Variants in RBMXL1 observed in about 807,000 individuals in gnomAD.
RBMXL1 encodes the protein RNA binding motif protein, X-linked-like-1.
RBMXL1 carries 18 observed loss-of-function variants against 29.0 expected under a neutral mutation model. That is an observed-to-expected ratio of 0.62 (90% CI 0.43 to 0.92). The LOEUF (loss-of-function observed/expected upper bound fraction) is 0.92. RBMXL1 is among the 40% of genes least tolerant of loss of function. The pLI, the probability that RBMXL1 is intolerant of heterozygous loss-of-function variation, is 0.00. For synonymous variants in RBMXL1, 141 were observed against 170.4 expected (o/e 0.83, Z 1.34); for missense variants, 403 against 495.8 (o/e 0.81, Z 1.78).
Position 88,982,915 on chromosome 1 carries a change from A to T in RBMXL1, c.912T>A (p.Tyr304Ter), listed in dbSNP as rs750973601. The T allele has an allele frequency of 1.9e-6, 3 of 1,614,002 alleles. No homozygotes were observed. The highest frequency in any genetic ancestry group is 2.5e-6 in the Non-Finnish European group (3 of 1,179,878). The change falls in exon 3 of 3, where the codon TAT (tyrosine) becomes TAA (stop). Residue 304 changes from tyrosine (Y) to a stop codon, truncating the protein, a stop_gained. Transcript: ENST00000652648. LOFTEE classifies it high-confidence loss of function. ...AATCATCATAGCGACTGCTTCCACC[A>T]TAAGATGGCGGGGGCCCTCGTGTAA... Reference protein sequence around the residue: ...APLTRGPPPSYGGSSRYDDYS... With the variant: ...APLTRGPPPS
intron 1 of RBMXL1, among the ~76,000 whole-genome samples, chr1:88,989,627 A>G (rs1265707593): frequency 6.6e-6 from 1 of 152,112 alleles, no homozygotes; most frequent in Non-Finnish European, 1.5e-5. Context: ...TGCATGATGG[A>G]GGTAATGTGC....
rs1016947391 is a variant in RBMXL1 at position 88,982,848 on chromosome 1, A to C, written c.979T>G (p.Tyr327Asp). 2.5e-6 allele frequency: 4 copies of C among 1,613,866 alleles called. No individual in the cohort carries two copies. The African/African-American group carries it at 5.3e-5, about 22-fold the overall frequency. The change falls in exon 3 of 3, where the codon TAC becomes GAC. Residue 327 changes from tyrosine to aspartate, a missense_variant. By Grantham distance (160) the Tyr-to-Asp change is radical. Coordinates refer to ENST00000652648, the MANE Select transcript of RBMXL1 (RefSeq NM_001162536.3). ...RDGYGGSRDS[Y>D]SSSRSDLYSS... is the part of the protein sequence containing the mutation. ...TAGAGATCACTTCGGCTGCTTGAGT[A>C]ACTGTCTCGACTTCCACCATATCCA...
chr1:88,981,820 G>C lies in RBMXL1; in HGVS notation c.*834C>G. Reference sequence around the variant, plus strand: ...GGAATGCTGATAGATTCACTTTTTAGAAGTCATAAGCCTTTAGGAAGTTGG... The same window carrying C: ...GGAATGCTGATAGATTCACTTTTTACAAGTCATAAGCCTTTAGGAAGTTGG... On this transcript the variant is annotated 3_prime_UTR_variant, in exon 3 of 3. Coordinates refer to ENST00000652648, the MANE Select transcript of RBMXL1 (RefSeq NM_001162536.3). 1 of 328,396 alleles carries C rather than the reference G, an allele frequency of 3.0e-6. No individual in the cohort carries two copies. The highest frequency in any genetic ancestry group is 4.4e-6 in the Non-Finnish European group (1 of 226,206). 20.3% of individuals were successfully genotyped at this position (328,396 alleles called of 1,614,324 possible). A position where few individuals can be genotyped will look rare whatever the true frequency, so the allele number is the denominator to read the frequency against.
At chr1:88,988,156 A>G in intron 2 of RBMXL1, 96 bp downstream of exon 2, 1 of 751,176 alleles carries the variant, frequency 1.3e-6, no homozygotes, top group Non-Finnish European at 2.2e-6. Context: ...TGTTCATTTC[A>G]ATAAAGTATT....
At chr1:88,989,497 T>TA (rs1210960133) in intron 1 of RBMXL1, among the ~76,000 whole-genome samples, 2 of 152,284 alleles carry the variant, frequency 1.3e-5, no homozygotes, top group African/African-American at 4.8e-5. Context: ...GGGAACCCTC[T>TA]AACGACATAA....
At chr1:88,984,609 C>CAGAT (rs1400379938) in intron 2 of RBMXL1, among the ~76,000 whole-genome samples, 1 of 152,140 alleles carries the variant, frequency 6.6e-6, no homozygotes, top group Non-Finnish European at 1.5e-5. Flanking sequence ...GTTGACTGAA[C>CAGAT]AGATCTGCTG....
rs1234408962 is a variant in RBMXL1 at position 88,982,162 on chromosome 1, T to C, written c.*492A>G. 1.1e-6 allele frequency: 1 copy of C among 925,304 alleles called. No homozygotes were observed. Among genetic ancestry groups the C allele is most frequent in the Non-Finnish European group, 1.3e-6 (1 of 774,072 alleles). The allele number at this position is 925,304 out of a possible 1,614,324, so 57.3% of individuals were successfully genotyped here. On this transcript the variant is annotated 3_prime_UTR_variant, in exon 3 of 3. Coordinates refer to ENST00000652648, the MANE Select transcript of RBMXL1 (RefSeq NM_001162536.3). Reference sequence around the variant, plus strand: ...ACTTTCCTTACATAGGCATCTGATTTCAGGTTTTGCATACTGAGAACAGTG... The same window carrying C: ...ACTTTCCTTACATAGGCATCTGATTCCAGGTTTTGCATACTGAGAACAGTG...
chr1:88,989,175 G>A (rs573483762), intron 1 of RBMXL1, among the ~76,000 whole-genome samples: 1 of 152,228 alleles, frequency 6.6e-6, no homozygotes, highest in African/African-American at 2.4e-5. Flanking sequence ...ATGGCATGTC[G>A]TCTAACAGTT....
intron 1 of RBMXL1, among the ~76,000 whole-genome samples, chr1:88,988,612 TA>T (rs958097604): frequency 2.6e-5 from 4 of 152,258 alleles, no homozygotes; most frequent in South Asian, 2.1e-4. Flanking sequence ...TATTCTTAAT[TA>T]AAAAAATAAG....
At position 88,983,877 on chromosome 1, in the gene RBMXL1, C is replaced by G; in HGVS notation, c.-51G>C. 1.9e-6 allele frequency: 3 copies of G among 1,610,624 alleles called. No individual in the cohort carries two copies. The highest frequency in any genetic ancestry group is 2.5e-6 in the Non-Finnish European group (3 of 1,177,500). ...GGGTGACAGTGGGTTCAAGCTCCAA[C>G]AAGCTCGCCGACAGGGGCTTCCTAG... On this transcript the variant is annotated 5_prime_UTR_variant, in exon 3 of 3. Transcript: ENST00000652648.
At chr1:88,984,477 T>C (rs1387467269) in intron 2 of RBMXL1, among the ~76,000 whole-genome samples, 2 of 152,166 alleles carry the variant, frequency 1.3e-5, no homozygotes, top group African/African-American at 2.4e-5. Flanking sequence ...CTCCCAGTGT[T>C]GGGATTATAA....
rs1677134130 is a variant in RBMXL1 at position 88,982,351 on chromosome 1, A to C, written c.*303T>G. 4.1e-6 allele frequency: 3 copies of C among 733,990 alleles called. No individual in the cohort carries two copies. The Admixed American group carries it at 1.3e-4, about 33-fold the overall frequency. The allele number at this position is 733,990 out of a possible 1,614,324, so 45.5% of individuals were successfully genotyped here. A position where few individuals can be genotyped will look rare whatever the true frequency, so the allele number is the denominator to read the frequency against. ...TTGCTTGCCTCATTTACTGGGAAAAACCAGATAGGAAGTGGTCTTTAGGGA... is the reference window on the plus strand; with the variant it reads ...TTGCTTGCCTCATTTACTGGGAAAACCCAGATAGGAAGTGGTCTTTAGGGA... On this transcript the variant is annotated 3_prime_UTR_variant, in exon 3 of 3. Transcript: ENST00000652648.
intron 1 of RBMXL1, among the ~76,000 whole-genome samples, chr1:88,989,718 C>A (rs1677678144): frequency 6.6e-6 from 1 of 152,152 alleles, no homozygotes; most frequent in Admixed American, 6.5e-5. Flanking sequence ...TCTCTAGGTA[C>A]CAGGCCTCAA....
At chr1:88,984,917 T>C (rs1677357147) in intron 2 of RBMXL1, among the ~76,000 whole-genome samples, 1 of 152,270 alleles carries the variant, frequency 6.6e-6, no homozygotes, top group African/African-American at 2.4e-5. Context: ...TGACTTTCCA[T>C]ATGTACTGGT....
Position 88,983,524 on chromosome 1 carries a change from T to G in RBMXL1, c.303A>C (p.Arg101Ser). Reference protein sequence around the residue: ...RGRHGPPPPPRSRGPPRGFGA... With the variant: ...RGRHGPPPPPSSRGPPRGFGA... ...CAAAACCTCTTGGAGGACCTCTACTTCTTGGAGGTGGGGGCGGTCCATGTC... is the reference window on the plus strand; with the variant it reads ...CAAAACCTCTTGGAGGACCTCTACTGCTTGGAGGTGGGGGCGGTCCATGTC... The change falls in exon 3 of 3, where the codon AGA (arginine) becomes AGC (serine). Residue 101 changes from arginine (R) to serine (S), a missense_variant. Transcript: ENST00000652648. The G allele has an allele frequency of 6.2e-7, 1 of 1,614,186 alleles. No homozygotes were observed. The highest frequency in any genetic ancestry group is 8.5e-7 in the Non-Finnish European group (1 of 1,180,042).
rs763775037 is a variant in RBMXL1 at position 88,992,387 on chromosome 1, C to G, written c.-341+198G>C. ...GTGACCCGGGTCTAGGGGATTCCCCCCTGGAGGCCAGTCACCTCGGCGCCT... is the reference window on the plus strand; with the variant it reads ...GTGACCCGGGTCTAGGGGATTCCCCGCTGGAGGCCAGTCACCTCGGCGCCT... On this transcript the variant is annotated intron_variant, in intron 1 of 2. Coordinates refer to ENST00000652648, the MANE Select transcript of RBMXL1 (RefSeq NM_001162536.3). Among the ~76,000 whole-genome samples the G allele has an allele frequency of 8.5e-5, 13 of 152,358 alleles. No individual in the cohort carries two copies. In the East Asian group the frequency reaches 2.3e-3, roughly 27 times the overall value.
rs747616738 is a variant in RBMXL1 at position 88,982,709 on chromosome 1, C to T, written c.1118G>A (p.Gly373Asp). Residue 373 changes from glycine to aspartate, a missense_variant, in exon 3 of 3, where the codon GGT (glycine) becomes GAT (aspartate). Coordinates refer to ENST00000652648, the MANE Select transcript of RBMXL1 (RefSeq NM_001162536.3). ...YSSSSRGAPR[G>D]AGPGGSRSDR... ...AGATCGGCTTCCTCCAGGGCCAGCA[C>T]CTCTTGGTGCTCCGCGGCTTGAACT... The T allele has an allele frequency of 5.6e-6, 9 of 1,613,910 alleles. No homozygotes were observed. The East Asian group carries it at 2.0e-4, about 36-fold the overall frequency.
chr1:88,990,575 T>TA (rs1677732391), intron 1 of RBMXL1, among the ~76,000 whole-genome samples: 1 of 152,232 alleles, frequency 6.6e-6, no homozygotes, highest in African/African-American at 2.4e-5. Flanking sequence ...TTTGACATCT[T>TA]ACAATCTCTC....
chr1:88,982,423 C>T lies in RBMXL1; in HGVS notation c.*231G>A, dbSNP rs576454319. On this transcript the variant is annotated 3_prime_UTR_variant, in exon 3 of 3. Transcript: ENST00000652648. Reference sequence around the variant, plus strand: ...AACACTAGTACTACAAGGCTTAACACATTTAACATTTGCTTGTTGAAAAGC... The same window carrying T: ...AACACTAGTACTACAAGGCTTAACATATTTAACATTTGCTTGTTGAAAAGC... 3.2e-6 allele frequency: 3 copies of T among 939,098 alleles called. No homozygotes were observed. The African/African-American group carries it at 5.0e-5, about 16-fold the overall frequency. The allele number at this position is 939,098 out of a possible 1,614,324, so 58.2% of individuals were successfully genotyped here.
Sources: gnomAD v4.1 joint callset for allele counts (sites outside exome capture counted in the v4.1 genomes callset) on GRCh38, gnomAD v4.1.1 for gene constraint, MANE v1.5 for transcripts, NCBI Gene and HGNC (gene_info 2026-07-23, HGNC 2026-07-21) for gene names.